Variants in PBX1 observed in about 807,000 individuals in gnomAD.
PBX1 encodes PBX homeobox 1.
A neutral mutation model predicts 53.4 loss-of-function variants in PBX1; 6 were observed. The observed-to-expected ratio is 0.11, with a 90% confidence interval of 0.06 to 0.22. PBX1 has a LOEUF of 0.22. Among genes scored for constraint, PBX1 ranks in the 10% least tolerant of loss-of-function variants. PBX1 has a pLI of 1.00. For missense variants in PBX1, 251 were observed against 551.4 expected (o/e 0.46, Z 5.46); for synonymous variants, 204 against 212.3 (o/e 0.96, Z 0.34).
intron 2 of PBX1, among the ~76,000 whole-genome samples, chr1:164,584,825 C>G (rs942351955): frequency 3.3e-5 from 5 of 152,062 alleles, no homozygotes; most frequent in Admixed American, 2.0e-4. Flanking sequence ...GTTCCAGTAC[C>G]TTCCTTTTAT....
intron 2 of PBX1, among the ~76,000 whole-genome samples, chr1:164,674,282 A>G (rs1661296045): frequency 6.6e-6 from 1 of 152,218 alleles, no homozygotes; most frequent in Non-Finnish European, 1.5e-5. Context: ...ACATGGACAA[A>G]GAGGAAGGAT....
chr1:164,663,248 T>TCCTGCCTG (rs58476519), intron 2 of PBX1, among the ~76,000 whole-genome samples: 13 of 144,188 alleles, frequency 9.0e-5, no homozygotes, highest in Non-Finnish European at 1.7e-4. Context: ...CTTCCTGCCT[T>TCCTGCCTG]CCTGCCTGCC....
intron 2 of PBX1, among the ~76,000 whole-genome samples, chr1:164,699,278 A>C (rs922446158): frequency 1.1e-4 from 17 of 152,220 alleles, no homozygotes; most frequent in African/African-American, 3.9e-4. Flanking sequence ...GAAAATGATG[A>C]AAATACAAAT....
intron 2 of PBX1, among the ~76,000 whole-genome samples, chr1:164,569,506 T>A (rs183400241): frequency 6.6e-6 from 1 of 152,104 alleles, no homozygotes; most frequent in East Asian, 1.9e-4. Flanking sequence ...ACTCTGATTT[T>A]ATGCTGAAAA....
At chr1:164,621,802 T>C (rs1657698338) in intron 2 of PBX1, among the ~76,000 whole-genome samples, 1 of 152,184 alleles carries the variant, frequency 6.6e-6, no homozygotes, top group South Asian at 2.1e-4. Context: ...GGATGATTCC[T>C]GAGTCTGCCC....
intron 2 of PBX1, among the ~76,000 whole-genome samples, chr1:164,583,706 T>C (rs1654775397): frequency 6.6e-6 from 1 of 152,244 alleles, no homozygotes; most frequent in Admixed American, 6.5e-5. Context: ...TACTCATTGC[T>C]ACACTTATTA....
chr1:164,856,811 T>C (rs763153475), downstream of PBX1, among the ~76,000 whole-genome samples: 11 of 152,230 alleles, frequency 7.2e-5, no homozygotes, highest in Non-Finnish European at 1.3e-4. Context: ...TGAAGTCTTC[T>C]GAATCACCAG....
chr1:164,861,572 T>C (rs1672099382), intron 2 of PBX1, among the ~76,000 whole-genome samples: 1 of 152,132 alleles, frequency 6.6e-6, no homozygotes, highest in Non-Finnish European at 1.5e-5. Context: ...AAATTGTCTG[T>C]TGTCAGGGAT....
intron 2 of PBX1, among the ~76,000 whole-genome samples, chr1:164,678,441 A>C (rs1200604376): frequency 6.6e-6 from 1 of 152,148 alleles, no homozygotes; most frequent in Non-Finnish European, 1.5e-5. Context: ...GAAAGAGAAT[A>C]GTTTTGTGCT....
intron 2 of PBX1, among the ~76,000 whole-genome samples, chr1:164,607,273 T>C (rs141686971): frequency 6.6e-6 from 1 of 151,926 alleles, no homozygotes. Context: ...GGGGTGAGAT[T>C]AGAAAAAAAT....
At chr1:164,576,298 G>T (rs1299849103) in intron 2 of PBX1, among the ~76,000 whole-genome samples, 2 of 152,170 alleles carry the variant, frequency 1.3e-5, no homozygotes, top group South Asian at 4.1e-4. Flanking sequence ...GAGGGCTAGG[G>T]GTGGCCGCGA....
chr1:164,867,138 G>A (rs765553765), intron 2 of PBX1, among the ~76,000 whole-genome samples: 5 of 152,156 alleles, frequency 3.3e-5, no homozygotes, highest in South Asian at 2.1e-4. Flanking sequence ...TTACATCTTC[G>A]ATCTGCTGCT....
At position 164,821,527 on chromosome 1, in the gene PBX1, A is replaced by C. The variant is rs774138396; in HGVS notation, c.1111-10A>C. The C allele has an allele frequency of 1.2e-6, 2 of 1,608,554 alleles. No individual in the cohort carries two copies. The highest frequency in any genetic ancestry group is 1.3e-5 in the African/African-American group (1 of 74,890). On this transcript the variant is annotated splice_polypyrimidine_tract_variant and intron_variant, in intron 7 of 8. Transcript: ENST00000420696. ...ACTAATTTTCTCTCTGTTATTGTTCATCTGTTTAGGTGGATACCCTTCGCC... is the reference window on the plus strand; with the variant it reads ...ACTAATTTTCTCTCTGTTATTGTTCCTCTGTTTAGGTGGATACCCTTCGCC...
intron 2 of PBX1, among the ~76,000 whole-genome samples, chr1:164,777,750 T>C (rs1387690074): frequency 2.6e-5 from 4 of 152,334 alleles, no homozygotes; most frequent in Middle Eastern, 3.4e-3. Context: ...TCAGCAGCAT[T>C]GTTTGAATGT....
chr1:164,667,557 G>T (rs1292684792), intron 2 of PBX1, among the ~76,000 whole-genome samples: 1 of 152,200 alleles, frequency 6.6e-6, no homozygotes, highest in South Asian at 2.1e-4. Flanking sequence ...TCCCTGGGTA[G>T]CTGCTTCAGC....
chr1:164,673,768 G>C (rs1376121058), intron 2 of PBX1, among the ~76,000 whole-genome samples: 4 of 152,116 alleles, frequency 2.6e-5, no homozygotes, highest in African/African-American at 9.7e-5. Context: ...AAACTTTTAT[G>C]GGAATGCCGT....
At chr1:164,727,837 G>A (rs1664778578) in intron 2 of PBX1, among the ~76,000 whole-genome samples, 1 of 152,206 alleles carries the variant, frequency 6.6e-6, no homozygotes, top group Non-Finnish European at 1.5e-5. Flanking sequence ...CAACCTGTAG[G>A]AAGTACTTGT....
At chr1:164,619,448 G>A (rs1657525022) in intron 2 of PBX1, among the ~76,000 whole-genome samples, 1 of 152,052 alleles carries the variant, frequency 6.6e-6, no homozygotes, top group Non-Finnish European at 1.5e-5. Flanking sequence ...TTCAGTGAAG[G>A]GGCAGTGAGT....
rs1671623689 is a variant in PBX1 at position 164,847,320 on chromosome 1, A to G, written c.*644A>G. ...TTCACTGGGGACTGTCATAGCTGGG[A>G]TTCTAAAGGTGCCACATTTTTCAGT... is the stretch of plus-strand genomic sequence containing the variant. On this transcript the variant is annotated 3_prime_UTR_variant, in exon 9 of 9. Coordinates refer to ENST00000420696, the MANE Select transcript of PBX1 (RefSeq NM_002585.4). 1 of 1,064,990 alleles carries G rather than the reference A, an allele frequency of 9.4e-7. No homozygotes were observed. The highest frequency in any genetic ancestry group is 1.6e-5 in the African/African-American group (1 of 61,108). The allele number at this position is 1,064,990 out of a possible 1,614,324, so 66.0% of individuals were successfully genotyped here. A position where few individuals can be genotyped will look rare whatever the true frequency, so the allele number is the denominator to read the frequency against.
Sources: gnomAD v4.1 joint callset for allele counts (sites outside exome capture counted in the v4.1 genomes callset) on GRCh38, gnomAD v4.1.1 for gene constraint, MANE v1.5 for transcripts, NCBI Gene and HGNC (gene_info 2026-07-23, HGNC 2026-07-21) for gene names.